BCAS3: variants seen among roughly 807,000 people sequenced by gnomAD.
The protein encoded by BCAS3 is BCAS3 microtubule associated cell migration factor.
BCAS3 carries 53 observed loss-of-function variants against 116.1 expected under a neutral mutation model. That is an observed-to-expected ratio of 0.46 (90% CI 0.37 to 0.57). The LOEUF (loss-of-function observed/expected upper bound fraction) is 0.57. BCAS3 is among the 20% of genes least tolerant of loss of function. BCAS3 has a pLI of 0.00. For synonymous variants in BCAS3, 391 were observed against 408.2 expected, an observed-to-expected ratio of 0.96 and a Z score of 0.51; for missense variants, 917 against 1,165.4, an observed-to-expected ratio of 0.79 and a Z score of 3.10.
intron 22 of BCAS3, among the ~76,000 whole-genome samples, chr17:61,236,819 A>G (rs1305117583): frequency 6.6e-6 from 1 of 152,136 alleles, no homozygotes; most frequent in African/African-American, 2.4e-5. Flanking sequence ...TTTGTGGGAA[A>G]GTAGGATTGA....
intron 6 of BCAS3, among the ~76,000 whole-genome samples, chr17:60,773,365 C>T (rs1201652626): frequency 1.4e-5 from 2 of 142,828 alleles, no homozygotes; most frequent in African/African-American, 2.7e-5. Flanking sequence ...TATCATGGCT[C>T]GCTGCAGCCT....
intron 19 of BCAS3, among the ~76,000 whole-genome samples, chr17:61,046,056 A>ATAT (rs1422831434): frequency 5.3e-5 from 1 of 19,002 alleles, no homozygotes; most frequent in Non-Finnish European, 7.1e-5. Flanking sequence ...TAATATATAT[A>ATAT]TTATATATAT....
At chr17:60,764,254 CT>C (rs1265675512) in intron 6 of BCAS3, among the ~76,000 whole-genome samples, 3 of 151,532 alleles carry the variant, frequency 2.0e-5, no homozygotes, top group African/African-American at 7.3e-5. Flanking sequence ...AATGTGTTTG[CT>C]CTTGCTTCTC....
chr17:61,329,568 C>A (rs1436369733), intron 22 of BCAS3, among the ~76,000 whole-genome samples: 3 of 151,420 alleles, frequency 2.0e-5, no homozygotes. Context: ...GTCTCGATCT[C>A]CTGATCTTGT....
chr17:60,680,021 C>G (rs1258799828), intron 2 of BCAS3, among the ~76,000 whole-genome samples: 3 of 151,084 alleles, frequency 2.0e-5, no homozygotes, highest in Non-Finnish European at 4.4e-5. Context: ...GTAGTCCCAG[C>G]TACTCGGGAG....
At chr17:61,152,054 C>A (rs577871805) in intron 22 of BCAS3, among the ~76,000 whole-genome samples, 1 of 152,292 alleles carries the variant, frequency 6.6e-6, no homozygotes, top group Admixed American at 6.5e-5. Flanking sequence ...GGTTCATGGT[C>A]TCGCTGACTT....
rs1219968993 is a variant in BCAS3 at position 61,362,916 on chromosome 17, C to G, written c.2426-5411C>G. 6.6e-6 allele frequency: 1 copy of G among 152,222 alleles called. No homozygotes were observed. Among genetic ancestry groups the G allele is most frequent in the African/African-American group, 2.4e-5 (1 of 41,452 alleles). The allele number at this position is 152,222 out of a possible 1,614,324, so 9.4% of individuals were successfully genotyped here. A position where few individuals can be genotyped will look rare whatever the true frequency, so the allele number is the denominator to read the frequency against. On this transcript the variant is annotated intron_variant, in intron 22 of 23. Coordinates refer to ENST00000407086, the MANE Select transcript of BCAS3 (RefSeq NM_017679.5). This position sits in a 1 kb window ranked among gnomAD's most constrained non-coding sequence, Gnocchi z 4.4. The stretch of plus-strand genomic sequence containing the variant: ...ATTTTAACTCCACTTTCTGCCTACT[C>G]TGACCCTAGATATTCAGGCTCTGGT...
At position 61,056,072 on chromosome 17, in the gene BCAS3, G is replaced by C. The variant is rs1486860948; in HGVS notation, c.2029+15180G>C. 6.6e-6 allele frequency among the ~76,000 whole-genome samples: 1 copy of C among 152,126 alleles called. No homozygotes were observed. Among genetic ancestry groups the C allele is most frequent in the Non-Finnish European group, 1.5e-5 (1 of 68,034 alleles). ...CTGGAAAAGGATTTGACCCTTCCTT[G>C]GTCACTGCATTCCAGATTTCTTTCG... On this transcript the variant is annotated intron_variant, in intron 19 of 23. Transcript: ENST00000407086. The surrounding 1 kb of genome is among the most constrained non-coding windows in gnomAD (Gnocchi z 4.9).
At chr17:61,389,092 G>C (rs904099212) in intron 23 of BCAS3, 1 of 215,518 alleles carries the variant, frequency 4.6e-6, no homozygotes, top group South Asian at 8.1e-5. Context: ...GTCTCCCCTA[G>C]ATGAGACACA....
intron 7 of BCAS3, among the ~76,000 whole-genome samples, chr17:60,842,324 G>A (rs1206043862): frequency 1.3e-5 from 2 of 151,788 alleles, no homozygotes; most frequent in Non-Finnish European, 2.9e-5. Context: ...TTTGGTAGTG[G>A]ACAACCTTAT....
At chr17:61,374,331 CG>C (rs1473471402) in intron 23 of BCAS3, among the ~76,000 whole-genome samples, 1 of 151,530 alleles carries the variant, frequency 6.6e-6, no homozygotes, top group East Asian at 1.9e-4. Flanking sequence ...CCACCACACT[CG>C]GCTAATTTTT....
At chr17:60,988,338 CTTTTTT>C (rs71148317) in intron 14 of BCAS3, among the ~76,000 whole-genome samples, 34 of 66,782 alleles carry the variant, frequency 5.1e-4, no homozygotes, top group Admixed American at 4.8e-3. Context: ...TTTTCTTTTT[CTTTTTT>C]TTTTTTTTTT....
chr17:60,947,435 C>T lies in BCAS3; in HGVS notation c.1221+83C>T, dbSNP rs1280012684. ...GCTGGTCATTTATATTACATTGCAG[C>T]TTAATGTTGATGTTTGTGAGAAAAT... On this transcript the variant is annotated intron_variant, in intron 14 of 23. Coordinates refer to ENST00000407086, the MANE Select transcript of BCAS3 (RefSeq NM_017679.5). 4 of 1,343,994 alleles carry T rather than the reference C, an allele frequency of 3.0e-6. No homozygotes were observed. In the African/African-American group the frequency reaches 4.3e-5, roughly 15 times the overall value. 83.3% of individuals were successfully genotyped at this position (1,343,994 alleles called of 1,614,324 possible).
chr17:61,291,133 GGTTTCACTT>G (rs1188677924), intron 22 of BCAS3, among the ~76,000 whole-genome samples: 1 of 152,018 alleles, frequency 6.6e-6, no homozygotes, highest in Non-Finnish European at 1.5e-5. Flanking sequence ...TTGTGTTTAG[GGTTTCACTT>G]GTTTATTCAG....
chr17:61,314,440 C>G (rs1387133808), intron 22 of BCAS3, among the ~76,000 whole-genome samples: 3 of 152,224 alleles, frequency 2.0e-5, no homozygotes, highest in Non-Finnish European at 4.4e-5. Context: ...TGACCGCATT[C>G]CCTCTCTAAG....
intron 18 of BCAS3, among the ~76,000 whole-genome samples, chr17:61,038,761 C>T (rs1320839641): frequency 8.0e-5 from 12 of 150,298 alleles, no homozygotes; most frequent in East Asian, 2.0e-4. Context: ...CTCCACCTCC[C>T]GTGTTCAAGC....
chr17:61,384,157 C>G (rs1281149885), intron 23 of BCAS3, among the ~76,000 whole-genome samples: 5 of 152,244 alleles, frequency 3.3e-5, no homozygotes. Context: ...CGGGCATTCT[C>G]CATCCCCCAA....
At chr17:60,907,690 A>G (rs1224392289) in intron 11 of BCAS3, among the ~76,000 whole-genome samples, 1 of 152,232 alleles carries the variant, frequency 6.6e-6, no homozygotes. Context: ...ATTTTTATGT[A>G]GATACCTCAG....
intron 13 of BCAS3, among the ~76,000 whole-genome samples, chr17:60,946,688 T>C (rs1043179323): frequency 5.3e-5 from 8 of 152,028 alleles, no homozygotes; most frequent in African/African-American, 1.9e-4. Flanking sequence ...AACAGAAGGA[T>C]TGCTTGAGGC....
Sources: gnomAD v4.1 joint callset for allele counts (sites outside exome capture counted in the v4.1 genomes callset) on GRCh38, gnomAD v4.1.1 for gene constraint, Gnocchi (gnomAD v3.1) non-coding constraint, MANE v1.5 for transcripts, NCBI Gene and HGNC (gene_info 2026-07-23, HGNC 2026-07-21) for gene names.